Variants in SH3GLB2 observed in about 807,000 individuals in gnomAD.
The protein encoded by SH3GLB2 is endophilin-B2.
A neutral mutation model predicts 48.0 loss-of-function variants in SH3GLB2; 24 were observed. That is an observed-to-expected ratio of 0.50 (90% CI 0.36 to 0.70). The LOEUF (loss-of-function observed/expected upper bound fraction) is 0.70. Among genes scored for constraint, SH3GLB2 ranks in the 30% least tolerant of loss-of-function variants. The pLI, the probability that SH3GLB2 is intolerant of heterozygous loss-of-function variation, is 0.00. For missense variants in SH3GLB2, 425 were observed against 516.0 expected, an observed-to-expected ratio of 0.82 and a Z score of 1.71; for synonymous variants, 227 against 207.6, an observed-to-expected ratio of 1.09 and a Z score of -0.80.
rs1473511719 is a variant in SH3GLB2, at chr9:129,008,791, G to A, written c.1081C>T (p.Leu361Phe). 1 of 1,613,744 alleles carries A rather than the reference G, an allele frequency of 6.2e-7. No individual in the cohort carries two copies. The part of the protein sequence containing the change: ...SSELALLADE[L>F]ITVYSLPGMD... ...CCAGGCAGGCTGTAGACAGTGATGA[G>A]CTGCAGAGATGGCAGTAGAGGACGG... is the stretch of plus-strand genomic sequence containing the variant. Residue 361 changes from leucine (L) to phenylalanine (F), a missense_variant and splice_region_variant, in exon 11 of 11, where the codon CTC (leucine) becomes TTC (phenylalanine). By Grantham distance (22) the Leu-to-Phe change is conservative. Transcript: ENST00000372564.
At position 129,008,497 on chromosome 9, in the gene SH3GLB2, G is replaced by A; in HGVS notation, c.*187C>T. 1 of 567,284 alleles carries A rather than the reference G, an allele frequency of 1.8e-6. No individual in the cohort carries two copies. Among genetic ancestry groups the A allele is most frequent in the East Asian group, 3.1e-5 (1 of 31,948 alleles). 35.1% of individuals were successfully genotyped at this position (567,284 alleles called of 1,614,324 possible). On this transcript the variant is annotated 3_prime_UTR_variant, in exon 11 of 11. Transcript: ENST00000372564. ...CTCCAGAGCCACAGGTCAGAAGCAG[G>A]GCTGGGGGAGGGGTGGAGCCATTCA...
chr9:129,012,767 G>C, intron 5 of SH3GLB2: 3 of 579,898 alleles, frequency 5.2e-6, no homozygotes, highest in Non-Finnish European at 6.1e-6. Context: ...CAATGAAGGT[G>C]GACAGATGGA....
intron 7 of SH3GLB2, 127 bp from the exon 8 acceptor site, chr9:129,010,336 T>C: frequency 3.9e-6 from 3 of 772,794 alleles, no homozygotes; most frequent in South Asian, 3.4e-5. Context: ...CTTCTGGGTC[T>C]ATGCCTGACT....
intron 1 of SH3GLB2, among the ~76,000 whole-genome samples, chr9:129,026,698 C>G (rs934995148): frequency 6.6e-6 from 1 of 152,214 alleles, no homozygotes; most frequent in Non-Finnish European, 1.5e-5. Context: ...GGCCCCAGCC[C>G]TAGCAGGGAA....
chr9:129,009,378 G>A (rs950250568), intron 9 of SH3GLB2, 32 bp from the exon 10 acceptor site: 1 of 1,550,824 alleles, frequency 6.4e-7, no homozygotes, highest in Non-Finnish European at 8.7e-7. Flanking sequence ...TAGCAGGTGG[G>A]AGTCCCAGAA....
chr9:129,013,136 G>A lies in SH3GLB2; in HGVS notation c.562-838C>T, dbSNP rs1024862949. 7.5e-6 allele frequency: 9 copies of A among 1,193,482 alleles called. No homozygotes were observed. In the Admixed American group the frequency reaches 1.0e-4, roughly 13 times the overall value. 73.9% of individuals were successfully genotyped at this position (1,193,482 alleles called of 1,614,324 possible). A position where few individuals can be genotyped will look rare whatever the true frequency, so the allele number is the denominator to read the frequency against. On this transcript the variant is annotated intron_variant, in intron 5 of 10. Transcript: ENST00000372564. ...CAGTGGGAGGGGACACCAGGCGGTC[G>A]GGCGGAGGGAGGCACCACAGCCTGC... is the stretch of plus-strand genomic sequence containing the variant.
At chr9:129,025,232 C>T (rs1412772367) in intron 1 of SH3GLB2, among the ~76,000 whole-genome samples, 5 of 133,318 alleles carry the variant, frequency 3.8e-5, no homozygotes, top group Middle Eastern at 4.6e-3. Context: ...GCTGAGACTG[C>T]GCCAGCCTGC....
At chr9:129,025,660 C>G (rs918808877) in intron 1 of SH3GLB2, among the ~76,000 whole-genome samples, 1 of 101,904 alleles carries the variant, frequency 9.8e-6, no homozygotes, top group Admixed American at 1.1e-4. Flanking sequence ...GCAGGCCTCC[C>G]TCACATCCCT....
rs1301324492 is a variant in SH3GLB2, at chr9:129,023,398, C to T, written c.64-975G>A. Among the ~76,000 whole-genome samples the T allele has an allele frequency of 2.0e-5, 3 of 152,238 alleles. No homozygotes were observed. In the South Asian group the frequency reaches 6.2e-4, roughly 32 times the overall value. Reference sequence around the variant, plus strand: ...CTAAGAGGGCCCTGGAACACATGTCCCCATTTTCCAAACGGGGACACCAAG... The same window carrying T: ...CTAAGAGGGCCCTGGAACACATGTCTCCATTTTCCAAACGGGGACACCAAG... On this transcript the variant is annotated intron_variant, in intron 1 of 10. Coordinates refer to ENST00000372564, the MANE Select transcript of SH3GLB2 (RefSeq NM_020145.4).
chr9:129,021,538 C>A (rs1177568132), intron 2 of SH3GLB2, among the ~76,000 whole-genome samples: 1 of 152,030 alleles, frequency 6.6e-6, no homozygotes, highest in Non-Finnish European at 1.5e-5. Context: ...GGCAGACACA[C>A]AGCACGACCC....
At chr9:129,010,928 G>A in intron 6 of SH3GLB2, 2 of 584,118 alleles carry the variant, frequency 3.4e-6, no homozygotes, top group Admixed American at 3.0e-5. Context: ...CAGGAGTCCT[G>A]CTTATATTTC....
chr9:129,027,941 G>T, intron 1 of SH3GLB2, 151 bp downstream of exon 1: 1 of 697,664 alleles, frequency 1.4e-6, no homozygotes, highest in Non-Finnish European at 2.1e-6. Flanking sequence ...CTTCCGGTCA[G>T]CAAGGGCTCA....
chr9:129,014,891 G>C lies in SH3GLB2; in HGVS notation c.348C>G (p.Ile116Met). 2 of 1,613,936 alleles carry C rather than the reference G, an allele frequency of 1.2e-6. No individual in the cohort carries two copies. Among genetic ancestry groups the C allele is most frequent in the Non-Finnish European group, 1.7e-6 (2 of 1,179,924 alleles). Residue 116 changes from isoleucine (I) to methionine (M), a missense_variant, in exon 4 of 11, where the codon ATC becomes ATG. Transcript: ENST00000372564. The surrounding 1 kb of genome is among the most constrained non-coding windows in gnomAD (Gnocchi z 4.1). The part of the protein sequence containing the change: ...GPTTPYGKTL[I>M]KVAEAEKQLG... ...GTTGCTTTTCAGCTTCTGCCACCTT[G>C]ATCAGTGTCTTCCCTGAGAAAACAG...
intron 1 of SH3GLB2, among the ~76,000 whole-genome samples, chr9:129,024,417 C>A (rs1228694591): frequency 2.6e-5 from 4 of 151,260 alleles, no homozygotes; most frequent in African/African-American, 9.7e-5. Context: ...AAAAATTAGC[C>A]GGGTGTGGTG....
intron 9 of SH3GLB2, 70 bp downstream of exon 9, chr9:129,009,701 C>T (rs929346358): frequency 3.9e-5 from 58 of 1,470,472 alleles, no homozygotes; most frequent in Admixed American, 6.0e-5. Flanking sequence ...CCCAGAGGAG[C>T]TCATGCTGCC....
Position 129,014,658 on chromosome 9 carries a change from G to T in SH3GLB2, c.468+113C>A. ...ACTCAGTCCAAAGGAGCCCTCTCTG[G>T]GGAGGCCTCAGGAGTTTTGTAGCCC... is the stretch of plus-strand genomic sequence containing the variant. On this transcript the variant is annotated intron_variant, in intron 4 of 10. Transcript: ENST00000372564. The surrounding 1 kb of genome is among the most constrained non-coding windows in gnomAD (Gnocchi z 4.1). The T allele has an allele frequency of 6.6e-7, 1 of 1,521,800 alleles. No individual in the cohort carries two copies. Among genetic ancestry groups the T allele is most frequent in the Non-Finnish European group, 8.9e-7 (1 of 1,119,408 alleles). The allele number at this position is 1,521,800 out of a possible 1,614,324, so 94.3% of individuals were successfully genotyped here.
Position 129,014,758 on chromosome 9 carries a change from C to G in SH3GLB2, c.468+13G>C, listed in dbSNP as rs368015749. The G allele has an allele frequency of 1.7e-4, 278 of 1,610,188 alleles. No homozygotes were observed. Among genetic ancestry groups the G allele is most frequent in the Admixed American group, 4.7e-4 (28 of 59,536 alleles). On this transcript the variant is annotated intron_variant, in intron 4 of 10. Transcript: ENST00000372564. This position sits in a 1 kb window ranked among gnomAD's most constrained non-coding sequence, Gnocchi z 4.1. ...ATGGTTACCAGGAAGCGGAATAGTC[C>G]CAGGGCCCTCACCGAGATGGTCTTC... is the stretch of plus-strand genomic sequence containing the variant.
chr9:129,009,685 G>C, intron 9 of SH3GLB2, 86 bp downstream of exon 9: 1 of 1,420,880 alleles, frequency 7.0e-7, no homozygotes, highest in Non-Finnish European at 9.7e-7. Flanking sequence ...TGTGTCACAG[G>C]ACTTGCCCAG....
chr9:129,017,907 A>T (rs1485666329), intron 3 of SH3GLB2, among the ~76,000 whole-genome samples: 1 of 151,306 alleles, frequency 6.6e-6, no homozygotes. Context: ...CAAACAAAAA[A>T]AAAAAAAAAA....
Sources: gnomAD v4.1 joint callset for allele counts (sites outside exome capture counted in the v4.1 genomes callset) on GRCh38, gnomAD v4.1.1 for gene constraint, Gnocchi (gnomAD v3.1) non-coding constraint, MANE v1.5 for transcripts, NCBI Gene and HGNC (gene_info 2026-07-23, HGNC 2026-07-21) for gene names.